NCOA2: variants seen among roughly 807,000 people sequenced by gnomAD.
The protein encoded by NCOA2 is class E basic helix-loop-helix protein 75.
A neutral mutation model predicts 145.1 loss-of-function variants in NCOA2; 21 were observed. The observed-to-expected ratio is 0.14, with a 90% CI of 0.10 to 0.21. The LOEUF is 0.21. Ranked by LOEUF, NCOA2 falls within the 10% of genes least tolerant of loss-of-function variation. NCOA2 has a pLI of 1.00. For synonymous variants in NCOA2, 619 were observed against 637.5 expected (o/e 0.97, Z 0.44); for missense variants, 1,472 against 1,837.6 (o/e 0.80, Z 3.64).
At chr8:70,217,319 T>C (rs1819715090) in intron 2 of NCOA2, among the ~76,000 whole-genome samples, 1 of 152,156 alleles carries the variant, frequency 6.6e-6, no homozygotes, top group Non-Finnish European at 1.5e-5. Context: ...TCTTAATCAA[T>C]GCCCCCTAGT....
chr8:70,225,384 T>G (rs2134106847), intron 2 of NCOA2, among the ~76,000 whole-genome samples: 1 of 151,636 alleles, frequency 6.6e-6, no homozygotes, highest in South Asian at 2.1e-4. Context: ...CCGCCTCTAC[T>G]AAAAAAATAC....
In NCOA2 at chr8:70,163,481, A is replaced by G; in HGVS notation, c.816T>C (p.Thr272=). Residue 272 remains threonine (T), a synonymous_variant, in exon 8 of 23, where the codon ACT becomes ACC. Transcript: ENST00000452400. ...PVLPSSESFT[T]RQDLQGKITS... Reference sequence around the variant, plus strand: ...GAAATTTACCTTGGAGATCCTGGCGAGTAGTAAAACTTTCTGATGAGGGAA... The same window carrying G: ...GAAATTTACCTTGGAGATCCTGGCGGGTAGTAAAACTTTCTGATGAGGGAA... 1.2e-6 allele frequency: 2 copies of G among 1,613,372 alleles called. No individual in the cohort carries two copies. The highest frequency in any genetic ancestry group is 1.7e-6 in the Non-Finnish European group (2 of 1,179,418).
chr8:70,270,254 A>G (rs1186441270), intron 2 of NCOA2, among the ~76,000 whole-genome samples: 1 of 152,128 alleles, frequency 6.6e-6, no homozygotes, highest in East Asian at 1.9e-4. Context: ...ATTTGATGAA[A>G]AGAGTCACTG....
rs149427468 is a variant in NCOA2, at chr8:70,278,383, G to T, written c.-20+18361C>A. The stretch of plus-strand genomic sequence containing the variant: ...CTGCTATGAACATTCTCATATTCAC[G>T]TTCCATCAATATAGAAAGTCTACTA... On this transcript the variant is annotated intron_variant, in intron 2 of 22. Transcript: ENST00000452400. Among the ~76,000 whole-genome samples the T allele has an allele frequency of 6.7e-3, 1,025 of 152,172 alleles. 10 individuals are homozygous for T. The highest frequency in any genetic ancestry group is 0.028 in the South Asian group (136 of 4,822).
At chr8:70,122,160 AG>A (rs1306126128) in intron 21 of NCOA2, among the ~76,000 whole-genome samples, 1 of 152,222 alleles carries the variant, frequency 6.6e-6, no homozygotes, top group Non-Finnish European at 1.5e-5. Context: ...GCAAATTAGG[AG>A]TCATTAGTGG....
chr8:70,273,216 T>C (rs1271405610), intron 2 of NCOA2, among the ~76,000 whole-genome samples: 1 of 152,106 alleles, frequency 6.6e-6, no homozygotes, highest in African/African-American at 2.4e-5. Context: ...AATTTCAGTG[T>C]AAGTGGTTTT....
At chr8:70,364,970 T>G (rs1165946777) in intron 1 of NCOA2, among the ~76,000 whole-genome samples, 1 of 152,066 alleles carries the variant, frequency 6.6e-6, no homozygotes. Flanking sequence ...GGCCGAGTGA[T>G]GTGGTTAAGA....
At chr8:70,320,646 A>T (rs909768298) in intron 1 of NCOA2, among the ~76,000 whole-genome samples, 1 of 152,192 alleles carries the variant, frequency 6.6e-6, no homozygotes, top group African/African-American at 2.4e-5. Context: ...AAACTGGCTA[A>T]AATTGCAAGG....
In NCOA2 at chr8:70,361,171, C is replaced by A. The variant is rs937891660; in HGVS notation, c.-77+42529G>T. 7.9e-5 allele frequency among the ~76,000 whole-genome samples: 12 copies of A among 152,162 alleles called. No homozygotes were observed. The East Asian group carries it at 2.3e-3, about 29-fold the overall frequency. ...TTTTATAATACTAGCTTCTTCAAAA[C>A]AAAACTGTCTCTACAGAGCAAACAT... On this transcript the variant is annotated intron_variant, in intron 1 of 22. Transcript: ENST00000452400.
In NCOA2 at chr8:70,156,151, C is replaced by T. The variant is rs560110077; in HGVS notation, c.2214G>A (p.Lys738=). 137 of 1,613,764 alleles carry T rather than the reference C, an allele frequency of 8.5e-5. No individual in the cohort carries two copies. The highest frequency in any genetic ancestry group is 4.9e-4 in the Middle Eastern group (3 of 6,084). The change falls in exon 11 of 23, where the codon AAG becomes AAA. Residue 738 remains lysine, a synonymous_variant. Transcript: ENST00000452400. ...VTIKQEPVSP[K]KKENALLRYL... Reference sequence around the variant, plus strand: ...AGCGAAGTAGTGCATTCTCTTTCTTCTTGGGGCTCACCGGCTCTTGTTTAA... The same window carrying T: ...AGCGAAGTAGTGCATTCTCTTTCTTTTTGGGGCTCACCGGCTCTTGTTTAA...
At chr8:70,387,059 T>C (rs928914391) in intron 1 of NCOA2, among the ~76,000 whole-genome samples, 1 of 152,110 alleles carries the variant, frequency 6.6e-6, no homozygotes, top group Non-Finnish European at 1.5e-5. Flanking sequence ...AATTTTTCTT[T>C]TATTTTTGGT....
intron 4 of NCOA2, among the ~76,000 whole-genome samples, chr8:70,189,048 TTTTC>T (rs1349427252): frequency 8.5e-5 from 13 of 152,342 alleles, no homozygotes; most frequent in South Asian, 4.1e-4. Flanking sequence ...CTTTCTCTTC[TTTTC>T]TTTCTTTCTT....
intron 1 of NCOA2, among the ~76,000 whole-genome samples, chr8:70,378,703 G>C (rs1456416419): frequency 7.4e-6 from 1 of 136,038 alleles, no homozygotes; most frequent in Non-Finnish European, 1.5e-5. Context: ...GAGAATGCAA[G>C]TTATTCGAGT....
chr8:70,235,930 G>A (rs1036126434), intron 2 of NCOA2, among the ~76,000 whole-genome samples: 1 of 152,042 alleles, frequency 6.6e-6, no homozygotes, highest in African/African-American at 2.4e-5. Flanking sequence ...AGTATCTTTG[G>A]TGGTATCAGT....
chr8:70,288,509 A>G (rs1586379473), intron 2 of NCOA2, among the ~76,000 whole-genome samples: 1 of 152,132 alleles, frequency 6.6e-6, no homozygotes, highest in East Asian at 1.9e-4. Context: ...TGAACCCAGA[A>G]GGCAGAGGTT....
In NCOA2 at chr8:70,167,455, T is replaced by G. The variant is rs982665284; in HGVS notation, c.542-701A>C. On this transcript the variant is annotated intron_variant, in intron 6 of 22. Coordinates refer to ENST00000452400, the MANE Select transcript of NCOA2 (RefSeq NM_006540.4). ...CAGTTTCTCTCTCCATAGGTACTCATGCTCTAAGGCTGAGGTCCTCTACAA... is the reference window on the plus strand; with the variant it reads ...CAGTTTCTCTCTCCATAGGTACTCAGGCTCTAAGGCTGAGGTCCTCTACAA... Among the ~76,000 whole-genome samples, 3 of 152,230 alleles carry G rather than the reference T, an allele frequency of 2.0e-5. No homozygotes were observed. The East Asian group carries it at 5.8e-4, about 29-fold the overall frequency.
intron 4 of NCOA2, among the ~76,000 whole-genome samples, chr8:70,195,167 T>G (rs947236896): frequency 6.6e-6 from 1 of 152,252 alleles, no homozygotes; most frequent in African/African-American, 2.4e-5. Context: ...CATTTCACTG[T>G]AGTAGCTGAC....
chr8:70,144,846 A>T lies in NCOA2; in HGVS notation c.2608T>A (p.Phe870Ile). ...AGTTGCCCTGGTCGTGGGTTATTAAAAGCTAAGGAGAAAACAAATGAAAAT... is the reference window on the plus strand; with the variant it reads ...AGTTGCCCTGGTCGTGGGTTATTAATAGCTAAGGAGAAAACAAATGAAAAT... ...KTALRISQST[F>I]NNPRPGQLGR... The change falls in exon 13 of 23, where the codon TTT becomes ATT. Residue 870 changes from phenylalanine (F) to isoleucine (I), a missense_variant and splice_region_variant. Phe to Ile is a conservative substitution (Grantham distance 21). Transcript: ENST00000452400. 1 of 1,613,652 alleles carries T rather than the reference A, an allele frequency of 6.2e-7. No individual in the cohort carries two copies. Among genetic ancestry groups the T allele is most frequent in the South Asian group, 1.1e-5 (1 of 91,072 alleles).
intron 1 of NCOA2, among the ~76,000 whole-genome samples, chr8:70,307,220 CAAAAA>C (rs57161747): frequency 9.8e-5 from 7 of 71,632 alleles, no homozygotes; most frequent in East Asian, 3.6e-4. Context: ...CCTACATAAG[CAAAAA>C]AAAAAAAAAA....
Sources: allele counts gnomAD v4.1 joint callset (sites outside exome capture counted in the v4.1 genomes callset), GRCh38; gene constraint gnomAD v4.1.1; transcripts MANE v1.5; gene names NCBI Gene and HGNC (gene_info 2026-07-23, HGNC 2026-07-21).